The following RGPD1 variants were observed in gnomAD, a reference collection of about 807,000 sequenced individuals.
RGPD1 encodes the protein RANBP2 like and GRIP domain containing 1, also known as RANBP2-like and GRIP domain-containing protein 1.
Under a neutral mutation model 40.6 loss-of-function variants are expected in RGPD1, and 7 were observed. That is an observed-to-expected ratio of 0.17 (90% CI 0.10 to 0.32). RGPD1 has a LOEUF of 0.32. RGPD1 is among the 10% of genes least tolerant of loss of function. The pLI, the probability that RGPD1 is intolerant of heterozygous loss-of-function variation, is 1.00. For synonymous variants in RGPD1, 24 were observed against 167.0 expected (o/e 0.14, Z 6.60); for missense variants, 50 against 472.5 (o/e 0.11, Z 8.29).
At chr2:86,942,682 G>C (rs1405336828) in intron 1 of RGPD1, among the ~76,000 whole-genome samples, 1 of 144,104 alleles carries the variant, frequency 6.9e-6, no homozygotes, top group East Asian at 2.2e-4. Flanking sequence ...CCTCGACCTG[G>C]CCGGGCGGCG....
intron 1 of RGPD1, among the ~76,000 whole-genome samples, chr2:86,929,392 G>A (rs1678739308): frequency 6.6e-6 from 1 of 152,028 alleles, no homozygotes; most frequent in Non-Finnish European, 1.5e-5. Context: ...CAGTGGCCCT[G>A]CTTCAGTTTT....
rs1410170363 is a variant in RGPD1, at chr2:86,942,206, C to T, written c.-31C>T. ...CTGCTGCGGGGCTGAGCGCTGGTTTCACGCGTCTCGGGAGCCAGGTTGGCG... is the reference window on the plus strand; with the variant it reads ...CTGCTGCGGGGCTGAGCGCTGGTTTTACGCGTCTCGGGAGCCAGGTTGGCG... On this transcript the variant is annotated 5_prime_UTR_variant, in exon 1 of 23. Transcript: ENST00000641458. The T allele has an allele frequency of 6.9e-6, 11 of 1,587,792 alleles. No homozygotes were observed. The highest frequency in any genetic ancestry group is 1.7e-5 in the Admixed American group (1 of 57,232).
In RGPD1 at chr2:87,013,526, T is replaced by G. The variant is rs371724547; in HGVS notation, c.*979T>G. 1.8e-3 allele frequency: 195 copies of G among 109,760 alleles called. 22 individuals carry two copies. In the South Asian group the frequency reaches 0.031, roughly 17 times the overall value. 6.8% of individuals were successfully genotyped at this position (109,760 alleles called of 1,614,324 possible). A position where few individuals can be genotyped will look rare whatever the true frequency, so the allele number is the denominator to read the frequency against. ...TACATGATGAGACAGAGTAAGAGAA[T>G]GGGGAAAGGGTTTTTAGATGGGGGA... On this transcript the variant is annotated 3_prime_UTR_variant, in exon 23 of 23. Transcript: ENST00000641458.
At chr2:86,914,332 GGGCGGCGGC>G (rs1247052388) in intron 1 of RGPD1, among the ~76,000 whole-genome samples, 4 of 11,016 alleles carry the variant, frequency 3.6e-4, no homozygotes, top group Non-Finnish European at 6.4e-4. Flanking sequence ...CGGCCTGGCC[GGGCGGCGGC>G]GGCGGCGGCG....
At chr2:86,913,966 G>C (rs745749142) in intron 1 of RGPD1, 1 of 1,213,786 alleles carries the variant, frequency 8.2e-7, no homozygotes, top group Non-Finnish European at 1.1e-6. Context: ...CTGGCGGGGC[G>C]GTGGCCTCGA....
chr2:86,925,212 G>T (rs1247252887), intron 1 of RGPD1, among the ~76,000 whole-genome samples: 1 of 148,224 alleles, frequency 6.7e-6, no homozygotes, highest in Non-Finnish European at 1.5e-5. Flanking sequence ...CTTTAACAGT[G>T]TCTTTGATGA....
At chr2:86,957,158 C>T (rs1356257003) in intron 4 of RGPD1, among the ~76,000 whole-genome samples, 12 of 144,198 alleles carry the variant, frequency 8.3e-5, no homozygotes, top group Middle Eastern at 3.4e-3. Context: ...AAATGAGAAG[C>T]GAGTGGCCAC....
At chr2:87,009,075 G>T (rs1291435126) in intron 22 of RGPD1, among the ~76,000 whole-genome samples, 2 of 146,688 alleles carry the variant, frequency 1.4e-5, no homozygotes, top group African/African-American at 5.1e-5. Context: ...GGAGGCCGAG[G>T]CGGGCAGATC....
At chr2:86,914,899 G>GGGC (rs1405211170) in intron 1 of RGPD1, among the ~76,000 whole-genome samples, 2 of 15,774 alleles carry the variant, frequency 1.3e-4, no homozygotes, top group East Asian at 1.5e-3. Context: ...CGACCTGGCC[G>GGGC]GGCGGCGGCG....
chr2:86,920,087 T>C, intron 1 of RGPD1, among the ~76,000 whole-genome samples: 1 of 152,068 alleles, frequency 6.6e-6, no homozygotes, highest in Admixed American at 6.6e-5. Context: ...TTTCCTTTTT[T>C]AAGACGGGGT....
intron 1 of RGPD1, among the ~76,000 whole-genome samples, chr2:86,933,180 T>C (rs1679100923): frequency 6.6e-6 from 1 of 150,376 alleles, no homozygotes; most frequent in Non-Finnish European, 1.5e-5. Flanking sequence ...GTAAGAACTT[T>C]TGGAGGTTTT....
intron 1 of RGPD1, among the ~76,000 whole-genome samples, chr2:86,942,781 CGCCG>C (rs1455579271): frequency 6.6e-6 from 1 of 151,622 alleles, no homozygotes; most frequent in Non-Finnish European, 1.5e-5. Flanking sequence ...TCTGTTGAGG[CGCCG>C]GCCGGCTGGC....
intron 1 of RGPD1, among the ~76,000 whole-genome samples, chr2:86,942,742 C>T (rs1453965513): frequency 6.0e-5 from 9 of 150,718 alleles, no homozygotes; most frequent in African/African-American, 1.9e-4. Flanking sequence ...GGCGTCATGG[C>T]TCCTGACGGG....
upstream of RGPD1, among the ~76,000 whole-genome samples, chr2:86,941,873 G>C (rs1316611384): frequency 2.0e-5 from 3 of 151,654 alleles, no homozygotes; most frequent in South Asian, 2.1e-4. Context: ...TCCACGCCCG[G>C]GTAATTTTTT....
intron 1 of RGPD1, among the ~76,000 whole-genome samples, chr2:86,928,510 G>A (rs1420816176): frequency 6.6e-6 from 1 of 152,044 alleles, no homozygotes; most frequent in Non-Finnish European, 1.5e-5. Context: ...GGTAAATGAG[G>A]TAAATGAATA....
chr2:86,925,033 A>G (rs1164603660), intron 1 of RGPD1, among the ~76,000 whole-genome samples: 135 of 151,236 alleles, frequency 8.9e-4, no homozygotes, highest in African/African-American at 3.1e-3. Context: ...AGGTTGGAGG[A>G]TGTTAAACAC....
chr2:86,913,983 C>T lies in RGPD1; in HGVS notation c.72+62C>T, dbSNP rs188315977. The stretch of plus-strand genomic sequence containing the variant: ...GGCGGGGCGGTGGCCTCGACCTGGC[C>T]GGGCGGCGGCGGCGGCCTCGGCCTC... On this transcript the variant is annotated intron_variant, in intron 1 of 22. Transcript: ENST00000398193. The T allele has an allele frequency of 2.8e-5, 26 of 935,442 alleles. 6 individuals are homozygous for T. Among genetic ancestry groups the T allele is most frequent in the South Asian group, 7.9e-5 (4 of 50,650 alleles). 57.9% of individuals were successfully genotyped at this position (935,442 alleles called of 1,614,324 possible). A position where few individuals can be genotyped will look rare whatever the true frequency, so the allele number is the denominator to read the frequency against.
At chr2:86,936,172 A>AT (rs1423299605) in intron 1 of RGPD1, among the ~76,000 whole-genome samples, 7 of 125,550 alleles carry the variant, frequency 5.6e-5, no homozygotes, top group Non-Finnish European at 8.8e-5. Flanking sequence ...TGCCCAGCTA[A>AT]TTTTTTTGTA....
At chr2:86,933,432 T>C (rs1259231012) in intron 1 of RGPD1, among the ~76,000 whole-genome samples, 2 of 149,882 alleles carry the variant, frequency 1.3e-5, no homozygotes, top group African/African-American at 4.9e-5. Flanking sequence ...ATTGAAATTA[T>C]GATATAAAAT....
Sources: allele counts gnomAD v4.1 joint callset (sites outside exome capture counted in the v4.1 genomes callset), GRCh38; gene constraint gnomAD v4.1.1; transcripts MANE v1.5; gene names NCBI Gene and HGNC (gene_info 2026-07-23, HGNC 2026-07-21).